Variants in SPATA16 observed in about 807,000 individuals in gnomAD.
SPATA16 encodes the protein spermatogenesis-associated protein 16.
SPATA16 carries 36 observed loss-of-function variants against 63.3 expected under a neutral mutation model. The ratio of observed to expected loss-of-function variants is 0.57; its 90% CI spans 0.44 to 0.75. SPATA16 has a LOEUF of 0.75. Among genes scored for constraint, SPATA16 ranks in the 30% least tolerant of loss-of-function variants. The pLI, the probability that SPATA16 is intolerant of heterozygous loss-of-function variation, is 0.00. For synonymous variants in SPATA16, 203 were observed against 216.7 expected (o/e 0.94, Z 0.56); for missense variants, 646 against 679.3 (o/e 0.95, Z 0.54).
rs74715497 is a variant in SPATA16, at chr3:172,977,072, A to T, written c.849-20T>A. 3 of 1,482,794 alleles carry T rather than the reference A, an allele frequency of 2.0e-6. No individual in the cohort carries two copies. The highest frequency in any genetic ancestry group is 2.8e-6 in the Non-Finnish European group (3 of 1,083,960). 91.9% of individuals were successfully genotyped at this position (1,482,794 alleles called of 1,614,324 possible). A position where few individuals can be genotyped will look rare whatever the true frequency, so the allele number is the denominator to read the frequency against. On this transcript the variant is annotated intron_variant, in intron 4 of 10. Coordinates refer to ENST00000351008, the MANE Select transcript of SPATA16 (RefSeq NM_031955.6). ...GCACTCCTAAGAACAAGGACAGATT[A>T]AAAAAAAAACAAAAACAAATGTATA... is the stretch of plus-strand genomic sequence containing the variant.
intron 2 of SPATA16, among the ~76,000 whole-genome samples, chr3:173,061,854 T>C (rs1036847254): frequency 3.3e-5 from 5 of 152,164 alleles, no homozygotes; most frequent in Non-Finnish European, 7.4e-5. Context: ...AGAATTATAT[T>C]CATACATCAG....
chr3:172,993,638 A>T (rs1346180135), intron 4 of SPATA16, among the ~76,000 whole-genome samples: 1 of 152,190 alleles, frequency 6.6e-6, no homozygotes, highest in Admixed American at 6.6e-5. Context: ...ATTACAATAA[A>T]TATTAAATGT....
chr3:173,000,295 C>G (rs993034645), intron 4 of SPATA16, among the ~76,000 whole-genome samples: 2 of 152,174 alleles, frequency 1.3e-5, no homozygotes, highest in Non-Finnish European at 2.9e-5. Flanking sequence ...AAATACATTT[C>G]TATTGTTATA....
chr3:172,975,670 GT>G (rs1295120499), intron 5 of SPATA16, among the ~76,000 whole-genome samples: 1 of 152,056 alleles, frequency 6.6e-6, no homozygotes, highest in Non-Finnish European at 1.5e-5. Context: ...GTAATAGGTT[GT>G]TTTGGGTTTA....
intron 5 of SPATA16, among the ~76,000 whole-genome samples, chr3:172,975,992 AGT>A (rs1233058223): frequency 6.6e-6 from 1 of 152,124 alleles, no homozygotes; most frequent in Non-Finnish European, 1.5e-5. Flanking sequence ...CTTTACAGTT[AGT>A]GGCTTAGAAC....
chr3:172,987,761 G>A (rs1734489249), intron 4 of SPATA16, among the ~76,000 whole-genome samples: 1 of 152,126 alleles, frequency 6.6e-6, no homozygotes, highest in Non-Finnish European at 1.5e-5. Flanking sequence ...GGAAATAAGA[G>A]TACTTAGAGC....
chr3:173,022,947 C>T (rs1457100249), intron 3 of SPATA16, among the ~76,000 whole-genome samples: 1 of 151,944 alleles, frequency 6.6e-6, no homozygotes, highest in Non-Finnish European at 1.5e-5. Context: ...CAATGATTGC[C>T]TACTCCATTG....
intron 4 of SPATA16, among the ~76,000 whole-genome samples, chr3:172,979,274 T>TA (rs1318946177): frequency 6.6e-6 from 1 of 152,064 alleles, no homozygotes; most frequent in East Asian, 1.9e-4. Context: ...TGCCAGTGTG[T>TA]ACATATTCCA....
At chr3:172,895,721 AT>A (rs1297997185) in intron 10 of SPATA16, among the ~76,000 whole-genome samples, 1 of 152,126 alleles carries the variant, frequency 6.6e-6, no homozygotes, top group Non-Finnish European at 1.5e-5. Context: ...TTCTATGGAG[AT>A]TTATTCAGGT....
chr3:172,894,225 A>G (rs1252791842), intron 10 of SPATA16, among the ~76,000 whole-genome samples: 1 of 152,194 alleles, frequency 6.6e-6, no homozygotes, highest in African/African-American at 2.4e-5. Context: ...AATGGTTTGA[A>G]TTTTAATTCT....
chr3:173,057,014 A>C (rs1011616435), intron 2 of SPATA16, among the ~76,000 whole-genome samples: 6 of 151,912 alleles, frequency 3.9e-5, no homozygotes, highest in Non-Finnish European at 5.9e-5. Flanking sequence ...CTGTGTTTGC[A>C]TACTCACGTA....
chr3:173,110,286 T>C (rs1737716568), intron 2 of SPATA16, among the ~76,000 whole-genome samples: 2 of 152,232 alleles, frequency 1.3e-5, no homozygotes, highest in African/African-American at 4.8e-5. Flanking sequence ...TGAAGGCTTA[T>C]ATTTGTGCGA....
intron 2 of SPATA16, among the ~76,000 whole-genome samples, chr3:173,056,730 GAAAT>G (rs1736238519): frequency 3.0e-5 from 3 of 99,744 alleles, no homozygotes; most frequent in African/African-American, 1.2e-4. Context: ...AAAAAAAAAA[GAAAT>G]GTGGTTGAGT....
At chr3:172,986,631 G>C (rs1734465409) in intron 4 of SPATA16, among the ~76,000 whole-genome samples, 1 of 152,130 alleles carries the variant, frequency 6.6e-6, no homozygotes, top group Admixed American at 6.5e-5. Flanking sequence ...GCAGGAGGAA[G>C]AGCAGGAAAC....
chr3:172,938,661 G>A (rs1343993327), intron 6 of SPATA16, among the ~76,000 whole-genome samples: 1 of 152,062 alleles, frequency 6.6e-6, no homozygotes, highest in Admixed American at 6.5e-5. Flanking sequence ...AGGCACCTAG[G>A]TAGCCCTGAA....
chr3:172,918,790 G>A (rs1175397238), intron 8 of SPATA16, among the ~76,000 whole-genome samples: 1 of 152,072 alleles, frequency 6.6e-6, no homozygotes, highest in African/African-American at 2.4e-5. Context: ...CACGACTGAA[G>A]CTAAAACCTC....
intron 10 of SPATA16, among the ~76,000 whole-genome samples, chr3:172,913,196 T>G (rs948236628): frequency 6.6e-6 from 1 of 152,180 alleles, no homozygotes; most frequent in Non-Finnish European, 1.5e-5. Flanking sequence ...TAGCCAATGA[T>G]GGGATGTTCC....
chr3:173,012,150 C>T (rs939566946), intron 4 of SPATA16, among the ~76,000 whole-genome samples: 3 of 152,068 alleles, frequency 2.0e-5, no homozygotes, highest in African/African-American at 7.2e-5. Flanking sequence ...AATGTTCAAG[C>T]TCAGAGTCAA....
chr3:173,087,098 TTGA>T (rs1457638018), intron 2 of SPATA16, among the ~76,000 whole-genome samples: 2 of 152,134 alleles, frequency 1.3e-5, no homozygotes, highest in Non-Finnish European at 2.9e-5. Flanking sequence ...ATTTTCTGTC[TTGA>T]TGATCTAATA....
Sources: gnomAD v4.1 joint callset for allele counts (sites outside exome capture counted in the v4.1 genomes callset) on GRCh38, gnomAD v4.1.1 for gene constraint, MANE v1.5 for transcripts, NCBI Gene and HGNC (gene_info 2026-07-23, HGNC 2026-07-21) for gene names.